CNTNAP4: variants seen among roughly 807,000 people sequenced by gnomAD.
CNTNAP4 encodes the protein contactin-associated protein-like 4.
A neutral mutation model predicts 148.4 loss-of-function variants in CNTNAP4; 98 were observed. That is an observed-to-expected ratio of 0.66 (90% CI 0.56 to 0.78). The LOEUF (loss-of-function observed/expected upper bound fraction) is 0.78. Ranked by LOEUF, CNTNAP4 falls within the 30% of genes least tolerant of loss-of-function variation. CNTNAP4 has a pLI of 0.00. For missense variants in CNTNAP4, 1,935 were observed against 1,565.6 expected (o/e 1.24, Z -3.98); for synonymous variants, 730 against 565.1 (o/e 1.29, Z -4.14).
At chr16:76,546,018 A>C (rs1233476951) in intron 21 of CNTNAP4, among the ~76,000 whole-genome samples, 1 of 151,160 alleles carries the variant, frequency 6.6e-6, no homozygotes, top group East Asian at 1.9e-4. Context: ...CTGGTGACAC[A>C]GCAAGACTCC....
At chr16:76,383,154 A>C (rs2016163245) in intron 3 of CNTNAP4, among the ~76,000 whole-genome samples, 1 of 152,174 alleles carries the variant, frequency 6.6e-6, no homozygotes. Flanking sequence ...AGGGTAACCA[A>C]ATATTTAATG....
At chr16:76,543,089 C>A (rs977928955) in intron 21 of CNTNAP4, among the ~76,000 whole-genome samples, 1 of 152,206 alleles carries the variant, frequency 6.6e-6, no homozygotes, top group Non-Finnish European at 1.5e-5. Context: ...TCAAGAGTTG[C>A]ATATTATCCA....
At position 76,558,673 on chromosome 16, in the gene CNTNAP4, ACTT is replaced by A. The variant is rs760936902; in HGVS notation, c.3923_3925del (p.Phe1308del). 1 of 1,604,764 alleles carries A rather than the reference ACTT, an allele frequency of 6.2e-7. No individual in the cohort carries two copies. The highest frequency in any genetic ancestry group is 8.5e-7 in the Non-Finnish European group (1 of 1,175,738). On this transcript the variant is annotated inframe_deletion, in exon 24 of 24. Coordinates refer to ENST00000611870, the MANE Select transcript of CNTNAP4 (RefSeq NM_033401.5). Reference sequence around the variant, plus strand: ...GCAGTCAATGAAAATCAGAAAGAGTACTTCTTCTGATTGGCAGCTATGATTTAA... The same window carrying A: ...GCAGTCAATGAAAATCAGAAAGAGTACTTCTGATTGGCAGCTATGATTTAA...
At chr16:76,397,802 T>C (rs1389689805) in intron 3 of CNTNAP4, among the ~76,000 whole-genome samples, 1 of 149,238 alleles carries the variant, frequency 6.7e-6, no homozygotes, top group Non-Finnish European at 1.5e-5. Context: ...TGTGTTTGTG[T>C]GTGTGTGTGT....
At chr16:76,484,174 T>A (rs1440589387) in intron 12 of CNTNAP4, among the ~76,000 whole-genome samples, 1 of 148,588 alleles carries the variant, frequency 6.7e-6, no homozygotes, top group African/African-American at 2.5e-5. Flanking sequence ...AGTGTGTATG[T>A]GTGTGTGGGG....
intron 3 of CNTNAP4, among the ~76,000 whole-genome samples, chr16:76,397,938 TTATA>T (rs1404929461): frequency 1.9e-4 from 12 of 62,290 alleles, no homozygotes; most frequent in Non-Finnish European, 3.0e-4. Context: ...AACTAATAGA[TTATA>T]TACATATATA....
intron 4 of CNTNAP4, among the ~76,000 whole-genome samples, chr16:76,444,431 CT>C (rs1171106070): frequency 1.3e-5 from 2 of 150,732 alleles, no homozygotes; most frequent in African/African-American, 2.4e-5. Flanking sequence ...TTTATTTCCA[CT>C]TTTTTTTCTA....
At chr16:76,410,253 T>A (rs1461631680) in intron 3 of CNTNAP4, among the ~76,000 whole-genome samples, 3 of 151,796 alleles carry the variant, frequency 2.0e-5, no homozygotes, top group Non-Finnish European at 4.4e-5. Context: ...AAAAATGTTG[T>A]CTACAAAGAT....
chr16:76,503,209 G>C (rs912704498), intron 15 of CNTNAP4, among the ~76,000 whole-genome samples: 1 of 152,118 alleles, frequency 6.6e-6, no homozygotes, highest in African/African-American at 2.4e-5. Context: ...ATAAAGGCAA[G>C]AATGTCTGCT....
At chr16:76,427,621 A>G in intron 4 of CNTNAP4, 22 bp downstream of exon 4, 1 of 1,587,514 alleles carries the variant, frequency 6.3e-7, no homozygotes, top group Non-Finnish European at 8.6e-7. Flanking sequence ...TTTATCCAAT[A>G]CACTGACATA....
rs546530859 is a variant in CNTNAP4 at position 76,496,106 on chromosome 16, T to C, written c.2237+1040T>C. Reference sequence around the variant, plus strand: ...TATGTTGTGTGTGTGTGTGTGTGTGTGCGTGTATTTCTTTTAGAATTGCAC... The same window carrying C: ...TATGTTGTGTGTGTGTGTGTGTGTGCGCGTGTATTTCTTTTAGAATTGCAC... On this transcript the variant is annotated intron_variant, in intron 14 of 23. Transcript: ENST00000611870. Among the ~76,000 whole-genome samples, 9 of 150,640 alleles carry C rather than the reference T, an allele frequency of 6.0e-5. No homozygotes were observed. In the South Asian group the frequency reaches 1.5e-3, roughly 25 times the overall value.
chr16:76,474,405 A>G (rs915112530), intron 10 of CNTNAP4, among the ~76,000 whole-genome samples: 3 of 152,122 alleles, frequency 2.0e-5, no homozygotes, highest in Non-Finnish European at 4.4e-5. Flanking sequence ...TCCGCAAGAA[A>G]CCTATCTAAA....
intron 17 of CNTNAP4, among the ~76,000 whole-genome samples, chr16:76,534,843 C>G (rs949788118): frequency 6.6e-6 from 1 of 152,188 alleles, no homozygotes; most frequent in Non-Finnish European, 1.5e-5. Flanking sequence ...ACATTGTAGA[C>G]CTCTTCAAGG....
At chr16:76,518,557 C>A (rs2083337749) in intron 15 of CNTNAP4, among the ~76,000 whole-genome samples, 1 of 151,946 alleles carries the variant, frequency 6.6e-6, no homozygotes, top group Non-Finnish European at 1.5e-5. Context: ...AATACTTATG[C>A]ATATTTATGG....
At chr16:76,429,654 C>T (rs1262594512) in intron 4 of CNTNAP4, among the ~76,000 whole-genome samples, 2 of 152,140 alleles carry the variant, frequency 1.3e-5, no homozygotes, top group South Asian at 4.1e-4. Context: ...ATAATGTCCA[C>T]ATGGTGGTGA....
intron 4 of CNTNAP4, among the ~76,000 whole-genome samples, chr16:76,436,543 C>T (rs2079834961): frequency 6.6e-6 from 1 of 152,140 alleles, no homozygotes; most frequent in African/African-American, 2.4e-5. Flanking sequence ...ATTTGAGACC[C>T]ACTATCTGCT....
At chr16:76,397,395 C>T (rs2078239843) in intron 3 of CNTNAP4, among the ~76,000 whole-genome samples, 1 of 151,866 alleles carries the variant, frequency 6.6e-6, no homozygotes, top group Admixed American at 6.6e-5. Flanking sequence ...GGTTAAATTT[C>T]AGTGAGAATG....
At chr16:76,511,337 G>A (rs940680906) in intron 15 of CNTNAP4, among the ~76,000 whole-genome samples, 2 of 152,082 alleles carry the variant, frequency 1.3e-5, no homozygotes, top group Admixed American at 6.6e-5. Flanking sequence ...TGTCTGCATC[G>A]ACTAGTACAG....
At chr16:76,433,290 A>C (rs961830434) in intron 4 of CNTNAP4, among the ~76,000 whole-genome samples, 1 of 152,212 alleles carries the variant, frequency 6.6e-6, no homozygotes, top group Non-Finnish European at 1.5e-5. Context: ...TTAGCCTACC[A>C]GGAGAACTGA....
Sources: allele counts gnomAD v4.1 joint callset (sites outside exome capture counted in the v4.1 genomes callset), GRCh38; gene constraint gnomAD v4.1.1; transcripts MANE v1.5; gene names NCBI Gene and HGNC (gene_info 2026-07-23, HGNC 2026-07-21).